GPC3: variants seen among roughly 807,000 people sequenced by gnomAD.
GPC3 encodes the protein glypican 3.
In GPC3, 3 loss-of-function variants were observed where a neutral mutation model predicts 34.4. The observed-to-expected ratio is 0.09, with a 90% CI of 0.04 to 0.23. GPC3 has a LOEUF of 0.23. Ranked by LOEUF, GPC3 falls within the 10% of genes least tolerant of loss-of-function variation. The pLI, the probability that GPC3 is intolerant of heterozygous loss-of-function variation, is 1.00. For synonymous variants in GPC3, 177 were observed against 174.0 expected, an observed-to-expected ratio of 1.02 and a Z score of -0.13; for missense variants, 351 against 445.6, an observed-to-expected ratio of 0.79 and a Z score of 1.91.
At chrX:133,650,457 C>CCA (rs537936603) in intron 6 of GPC3, among the ~76,000 whole-genome samples, 2,048 of 97,534 alleles carry the variant, frequency 0.021, 30 homozygotes, top group African/African-American at 0.044. Context: ...ACACACCCAC[C>CCA]CACACACACA....
intron 2 of GPC3, 146 bp downstream of exon 2, chrX:133,952,903 TA>T: frequency 1.8e-6 from 1 of 559,149 alleles, no homozygotes; most frequent in Non-Finnish European, 3.0e-6. Context: ...TGTGTTTTTT[TA>T]AACCAGAATT....
chrX:133,720,893 G>T (rs1237408396), intron 3 of GPC3, among the ~76,000 whole-genome samples: 1 of 109,322 alleles, frequency 9.1e-6, no homozygotes, highest in African/African-American at 3.3e-5. Flanking sequence ...CAGGGGGAAG[G>T]GTGAGGGGGG....
At chrX:133,538,271 C>T (rs766843658) in intron 7 of GPC3, among the ~76,000 whole-genome samples, 3 of 112,329 alleles carry the variant, frequency 2.7e-5, no homozygotes, top group Non-Finnish European at 5.6e-5. Context: ...TGTCAGTCGG[C>T]AAGGATAGCA....
At chrX:133,593,882 G>T (rs1176852868) in intron 7 of GPC3, among the ~76,000 whole-genome samples, 2 of 111,005 alleles carry the variant, frequency 1.8e-5, no homozygotes, top group African/African-American at 6.6e-5. Flanking sequence ...ATCACCTGAG[G>T]TCAGGGGTTT....
chrX:133,867,997 C>T (rs1335677108), intron 2 of GPC3, among the ~76,000 whole-genome samples: 2 of 109,684 alleles, frequency 1.8e-5, no homozygotes, highest in Non-Finnish European at 3.8e-5. Context: ...GGCACCTCTA[C>T]CACTCAATAA....
chrX:133,896,310 A>G (rs2076112801), intron 2 of GPC3, among the ~76,000 whole-genome samples: 2 of 109,796 alleles, frequency 1.8e-5, no homozygotes, highest in African/African-American at 3.3e-5. Context: ...GCAGGGAGCC[A>G]AGATCGTGCC....
intron 5 of GPC3, among the ~76,000 whole-genome samples, chrX:133,681,478 A>G (rs2070943108): frequency 8.9e-6 from 1 of 112,428 alleles, no homozygotes; most frequent in African/African-American, 3.2e-5. Flanking sequence ...TTGCTGAAGT[A>G]TAGGAAGAAA....
rs771363659 is a variant in GPC3 at position 133,603,024 on chromosome X, T to C, written c.1414-6425A>G. Among the ~76,000 whole-genome samples, 4 of 110,680 alleles carry C rather than the reference T, an allele frequency of 3.6e-5. No homozygotes were observed. The East Asian group carries it at 1.1e-3, about 31-fold the overall frequency. ...AAACAGTCTTGATGGCTTACATTTTTGTGTTGATATTGAGCTCTTGGCAAT... is the reference window on the plus strand; with the variant it reads ...AAACAGTCTTGATGGCTTACATTTTCGTGTTGATATTGAGCTCTTGGCAAT... On this transcript the variant is annotated intron_variant, in intron 6 of 7. Transcript: ENST00000370818.
At chrX:133,825,699 T>C (rs1296707944) in intron 2 of GPC3, among the ~76,000 whole-genome samples, 1 of 111,831 alleles carries the variant, frequency 8.9e-6, no homozygotes, top group African/African-American at 3.3e-5. Context: ...CAGAAGGTCA[T>C]GTACACATGT....
intron 2 of GPC3, among the ~76,000 whole-genome samples, chrX:133,852,985 CAAAAAAAA>C (rs33927142): frequency 2.6e-4 from 11 of 42,111 alleles, no homozygotes; most frequent in South Asian, 3.0e-3. Context: ...TTTTAAATTC[CAAAAAAAA>C]AAAAAAAAAA....
In GPC3 at chrX:133,754,180, T is replaced by TAAAAAA; in HGVS notation, c.338-10_338-5dup. 1 of 945,314 alleles carries TAAAAAA rather than the reference T, an allele frequency of 1.1e-6. No individual in the cohort carries two copies. Among genetic ancestry groups the TAAAAAA allele is most frequent in the Non-Finnish European group, 1.4e-6 (1 of 693,913 alleles). The allele number at this position is 945,314 out of a possible 1,213,427, so 77.9% of individuals were successfully genotyped here. A position where few individuals can be genotyped will look rare whatever the true frequency, so the allele number is the denominator to read the frequency against. The stretch of plus-strand genomic sequence containing the variant: ...CGAACAACAATTTCAAAGGCCTCTG[T>TAAAAAA]AAAAAAAAAAAAAAAAGAGACACAA... On this transcript the variant is annotated splice_region_variant and splice_polypyrimidine_tract_variant and intron_variant, in intron 2 of 7. Coordinates refer to ENST00000370818, the MANE Select transcript of GPC3 (RefSeq NM_004484.4).
chrX:133,867,147 G>A (rs766566220), intron 2 of GPC3, among the ~76,000 whole-genome samples: 3 of 109,764 alleles, frequency 2.7e-5, no homozygotes, highest in Admixed American at 9.7e-5. Flanking sequence ...GCAGTGAGCC[G>A]AGATCATGCC....
At chrX:133,757,936 C>G (rs910214437) in intron 2 of GPC3, among the ~76,000 whole-genome samples, 2 of 111,492 alleles carry the variant, frequency 1.8e-5, no homozygotes, top group Admixed American at 1.9e-4. Flanking sequence ...AGCCAAAACA[C>G]ATATGAAAAA....
chrX:133,607,174 G>A (rs1027412817), intron 6 of GPC3, among the ~76,000 whole-genome samples: 1 of 110,710 alleles, frequency 9.0e-6, no homozygotes, highest in African/African-American at 3.3e-5. Flanking sequence ...AATGAGAGTC[G>A]AGAGAGATGT....
Position 133,724,946 on chromosome X carries a change from G to A in GPC3, c.1033-24918C>T, listed in dbSNP as rs188129379. On this transcript the variant is annotated intron_variant, in intron 3 of 7. Coordinates refer to ENST00000370818, the MANE Select transcript of GPC3 (RefSeq NM_004484.4). ...AAGATAAACGAAAAATAAAGAAATA[G>A]CTGTTTGGAGGTCATGCATGGGGCT... Among the ~76,000 whole-genome samples the A allele has an allele frequency of 7.2e-5, 8 of 111,327 alleles. No individual in the cohort carries two copies. In the East Asian group the frequency reaches 1.7e-3, roughly 24 times the overall value.
intron 2 of GPC3, among the ~76,000 whole-genome samples, chrX:133,837,149 A>G (rs1231361587): frequency 9.0e-6 from 1 of 111,616 alleles, no homozygotes; most frequent in African/African-American, 3.3e-5. Flanking sequence ...TCTCTTCTGT[A>G]ATGCAACCCA....
chrX:133,976,760 A>G (rs749582025), intron 1 of GPC3, among the ~76,000 whole-genome samples: 2 of 109,091 alleles, frequency 1.8e-5, no homozygotes, highest in South Asian at 7.9e-4. Flanking sequence ...TCTACTAAAA[A>G]TACAAAAATT....
At chrX:133,972,808 T>C (rs774851140) in intron 1 of GPC3, among the ~76,000 whole-genome samples, 5 of 111,428 alleles carry the variant, frequency 4.5e-5, no homozygotes, top group East Asian at 5.7e-4. Context: ...ACCAGAAATA[T>C]AGAACGTTAA....
intron 7 of GPC3, among the ~76,000 whole-genome samples, chrX:133,559,025 T>C (rs1449056108): frequency 8.9e-6 from 1 of 111,882 alleles, no homozygotes; most frequent in Non-Finnish European, 1.9e-5. Context: ...AGGGTTTATA[T>C]TGAGTATGTT....
Sources: gnomAD v4.1 joint callset for allele counts (sites outside exome capture counted in the v4.1 genomes callset) on GRCh38, gnomAD v4.1.1 for gene constraint, MANE v1.5 for transcripts, NCBI Gene and HGNC (gene_info 2026-07-23, HGNC 2026-07-21) for gene names.